CERCAM: variants seen among roughly 807,000 people sequenced by gnomAD.
The protein encoded by CERCAM is cerebral endothelial cell adhesion molecule.
CERCAM carries 59 observed loss-of-function variants against 66.0 expected under a neutral mutation model. The observed-to-expected ratio is 0.89, with a 90% CI of 0.73 to 1.11. CERCAM has a LOEUF of 1.11. Among genes scored for constraint, CERCAM ranks in the 50% most tolerant of loss-of-function variants. The pLI, the probability that CERCAM is intolerant of heterozygous loss-of-function variation, is 0.00. For synonymous variants in CERCAM, 318 were observed against 343.6 expected, an observed-to-expected ratio of 0.93 and a Z score of 0.83; for missense variants, 840 against 828.3, an observed-to-expected ratio of 1.01 and a Z score of -0.17.
intron 11 of CERCAM, 40 bp from the exon 12 acceptor site, chr9:128,435,613 G>T: frequency 6.5e-7 from 1 of 1,549,588 alleles, no homozygotes; most frequent in South Asian, 1.2e-5. Flanking sequence ...GGGAGTAGGG[G>T]CCCGCCTCAA....
At chr9:128,424,715 C>A in intron 5 of CERCAM, 101 bp downstream of exon 5, 3 of 1,103,910 alleles carry the variant, frequency 2.7e-6, no homozygotes, top group Non-Finnish European at 4.0e-6. Flanking sequence ...GCATTTCATC[C>A]TGTTAACCCA....
intron 11 of CERCAM, 101 bp from the exon 12 acceptor site, chr9:128,435,552 T>G: frequency 1.1e-5 from 15 of 1,308,736 alleles, no homozygotes; most frequent in Non-Finnish European, 1.5e-5. Context: ...TGGCGGGGAG[T>G]GAGGTGCTTT....
intron 5 of CERCAM, among the ~76,000 whole-genome samples, 157 bp from the exon 6 acceptor site, chr9:128,428,145 G>A (rs1343130357): frequency 2.0e-5 from 3 of 152,142 alleles, no homozygotes; most frequent in African/African-American, 4.8e-5. Flanking sequence ...TATTGTGTGA[G>A]CCAAGCCCTT....
chr9:128,429,790 ATT>A (rs1343447587), intron 8 of CERCAM, among the ~76,000 whole-genome samples: 5 of 141,560 alleles, frequency 3.5e-5, no homozygotes, highest in Non-Finnish European at 6.2e-5. Context: ...ATTAAAAAGA[ATT>A]TTTTTTTTTT....
chr9:128,435,596 G>T, intron 11 of CERCAM, 57 bp from the exon 12 acceptor site: 1 of 1,527,540 alleles, frequency 6.5e-7, no homozygotes, highest in South Asian at 1.3e-5. Flanking sequence ...GGGCAGGCAT[G>T]TGTCCGGGGA....
chr9:128,434,706 TGG>T lies in CERCAM; in HGVS notation c.1535+96_1535+97del, dbSNP rs2131344574. The T allele has an allele frequency of 7.0e-6, 9 of 1,279,734 alleles. No homozygotes were observed. The South Asian group carries it at 1.2e-4, about 18-fold the overall frequency. 79.3% of individuals were successfully genotyped at this position (1,279,734 alleles called of 1,614,324 possible). A position where few individuals can be genotyped will look rare whatever the true frequency, so the allele number is the denominator to read the frequency against. ...GCAGGAAGTCCCCTCACCTGGCAGA[TGG>T]GGAGACTGGGACTGGCAAGGCCAAG... On this transcript the variant is annotated intron_variant, in intron 11 of 12. Transcript: ENST00000372838. The surrounding 1 kb of genome is among the most constrained non-coding windows in gnomAD (Gnocchi z 4.5).
intron 3 of CERCAM, among the ~76,000 whole-genome samples, chr9:128,423,838 G>T (rs753749036): frequency 6.6e-6 from 1 of 152,138 alleles, no homozygotes; most frequent in African/African-American, 2.4e-5. Flanking sequence ...GGTATAAATT[G>T]AGCCTGGATC....
At chr9:128,422,769 G>A in intron 1 of CERCAM, 99 bp from the exon 2 acceptor site, 1 of 1,352,506 alleles carries the variant, frequency 7.4e-7, no homozygotes, top group Non-Finnish European at 1.0e-6. Context: ...GTTCCAAGGA[G>A]AGCTCGACCT....
At chr9:128,419,869 C>CTT (rs11349095), upstream of CERCAM, 66 of 145,770 alleles carry the variant, frequency 4.5e-4, 1 homozygote, top group African/African-American at 1.5e-3. Flanking sequence ...GGGCTGTGCT[C>CTT]TTTTTTTTTT....
At position 128,428,137 on chromosome 9, in the gene CERCAM, T is replaced by C. The variant is rs576703081; in HGVS notation, c.767-165T>C. Among the ~76,000 whole-genome samples, 61 of 152,204 alleles carry C rather than the reference T, an allele frequency of 4.0e-4. 2 individuals are homozygous for C. The South Asian group carries it at 0.012, about 30-fold the overall frequency. On this transcript the variant is annotated intron_variant, in intron 5 of 12. Coordinates refer to ENST00000372838, the MANE Select transcript of CERCAM (RefSeq NM_016174.5). ...TTTCAGTAGAAAGACCCCTTAGATATTGTGTGAGCCAAGCCCTTTCTCCCT... is the reference window on the plus strand; with the variant it reads ...TTTCAGTAGAAAGACCCCTTAGATACTGTGTGAGCCAAGCCCTTTCTCCCT...
chr9:128,424,046 C>G, intron 3 of CERCAM, 92 bp from the exon 4 acceptor site: 1 of 1,419,740 alleles, frequency 7.0e-7, no homozygotes, highest in Non-Finnish European at 9.6e-7. Flanking sequence ...ATCCTAGGAG[C>G]CACGCTGGGT....
chr9:128,424,499 C>T lies in CERCAM; in HGVS notation c.651C>T (p.Phe217=). ...CFRVPMVHST[F]LASLRAEGAD... is the part of the protein sequence containing the mutation. Reference sequence around the variant, plus strand: ...GTGTCCCCATGGTCCACTCCACCTTCCTTGCATCCCTGCGGGCTGAAGGGG... The same window carrying T: ...GTGTCCCCATGGTCCACTCCACCTTTCTTGCATCCCTGCGGGCTGAAGGGG... Residue 217 remains phenylalanine (F), a synonymous_variant, in exon 5 of 13, where the codon TTC becomes TTT. Coordinates refer to ENST00000372838, the MANE Select transcript of CERCAM (RefSeq NM_016174.5). The T allele has an allele frequency of 6.2e-7, 1 of 1,614,162 alleles. No individual in the cohort carries two copies. The highest frequency in any genetic ancestry group is 8.5e-7 in the Non-Finnish European group (1 of 1,180,030).
intron 8 of CERCAM, among the ~76,000 whole-genome samples, chr9:128,429,456 C>T (rs1374249308): frequency 6.6e-6 from 1 of 152,190 alleles, no homozygotes; most frequent in Non-Finnish European, 1.5e-5. Flanking sequence ...TTATTACTCT[C>T]CATCCTGGAC....
In CERCAM at chr9:128,435,790, A is replaced by G. The variant is rs1834097002; in HGVS notation, c.1673A>G (p.Asp558Gly). ...GAGACATCCTCTCCATGGGATGATG[A>G]CAGCGGCCGCCTCATCAGCTGGAGC... is the stretch of plus-strand genomic sequence containing the variant. ...DTETSSPWDDDSGRLISWSGS... is the reference protein window; with the variant it reads ...DTETSSPWDDGSGRLISWSGS... The change falls in exon 12 of 13, where the codon GAC becomes GGC. Residue 558 changes from aspartate to glycine, a missense_variant. Coordinates refer to ENST00000372838, the MANE Select transcript of CERCAM (RefSeq NM_016174.5). 1 of 1,612,860 alleles carries G rather than the reference A, an allele frequency of 6.2e-7. No individual in the cohort carries two copies. Among genetic ancestry groups the G allele is most frequent in the Non-Finnish European group, 8.5e-7 (1 of 1,179,742 alleles).
chr9:128,430,614 C>A (rs1397066507), intron 8 of CERCAM: 2 of 152,354 alleles, frequency 1.3e-5, no homozygotes, highest in African/African-American at 2.4e-5. Context: ...TTCCCACATT[C>A]TTCCTAGAGT....
At chr9:128,428,464 C>T in intron 6 of CERCAM, 43 bp downstream of exon 6, 1 of 1,608,494 alleles carries the variant, frequency 6.2e-7, no homozygotes, top group South Asian at 1.1e-5. Flanking sequence ...TGCCGGGGCT[C>T]CCTGCCTCCC....
At chr9:128,420,845 C>G, upstream of CERCAM, 1 of 1,137,484 alleles carries the variant, frequency 8.8e-7, no homozygotes, top group Non-Finnish European at 1.1e-6. This position sits in a 1 kb window ranked among gnomAD's most constrained non-coding sequence, Gnocchi z 5.0. Flanking sequence ...CCCGAGAGCT[C>G]CGGGGGCCGC....
At chr9:128,423,123 A>T in intron 2 of CERCAM, 23 bp from the exon 3 acceptor site, 1 of 1,613,042 alleles carries the variant, frequency 6.2e-7, no homozygotes, top group Non-Finnish European at 8.5e-7. Flanking sequence ...CCCCATGGGA[A>T]CATCTCACCT....
intron 9 of CERCAM, 50 bp downstream of exon 9, chr9:128,431,353 A>G (rs773995738): frequency 6.2e-7 from 1 of 1,608,576 alleles, no homozygotes; most frequent in South Asian, 1.1e-5. Flanking sequence ...GAACGGGGCC[A>G]GTTTGTTCTA....
Sources: allele counts gnomAD v4.1 joint callset (sites outside exome capture counted in the v4.1 genomes callset), GRCh38; gene constraint gnomAD v4.1.1; non-coding constraint Gnocchi (gnomAD v3.1); transcripts MANE v1.5; gene names NCBI Gene and HGNC (gene_info 2026-07-23, HGNC 2026-07-21).